The following FGL1 variants were observed in gnomAD, a reference collection of about 807,000 sequenced individuals.
The protein encoded by FGL1 is fibrinogen-like protein 1.
A neutral mutation model predicts 43.7 loss-of-function variants in FGL1; 59 were observed. The observed-to-expected ratio is 1.35, with a 90% CI of 1.10 to 1.68. The LOEUF (loss-of-function observed/expected upper bound fraction) is 1.68, where lower values mean the gene tolerates loss of function less well. FGL1 is among the 40% of genes most tolerant of loss of function. FGL1 has a pLI of 0.00. For synonymous variants in FGL1, 192 were observed against 126.5 expected (o/e 1.52, Z -3.48); for missense variants, 596 against 373.0 (o/e 1.60, Z -4.92).
At position 17,868,963 on chromosome 8, in the gene FGL1, T is replaced by A. The variant is rs766757109; in HGVS notation, c.544A>T (p.Asn182Tyr). ...TTCTTATATTGTGCATAACGGCTATTTTTTTCAAAATCTGCAAGGTCGATT... is the reference window on the plus strand; with the variant it reads ...TTCTTATATTGTGCATAACGGCTATATTTTTCAAAATCTGCAAGGTCGATT... ...LKIDLADFEK[N>Y]SRYAQYKNFK... Residue 182 changes from asparagine (N) to tyrosine (Y), a missense_variant, in exon 6 of 8, where the codon AAT becomes TAT. Coordinates refer to ENST00000427924, the MANE Select transcript of FGL1 (RefSeq NM_004467.4). 1 of 1,606,314 alleles carries A rather than the reference T, an allele frequency of 6.2e-7. No homozygotes were observed. Among genetic ancestry groups the A allele is most frequent in the Non-Finnish European group, 8.5e-7 (1 of 1,177,638 alleles).
Position 17,874,500 on chromosome 8 carries a change from T to C in FGL1, c.266A>G (p.Asp89Gly), listed in dbSNP as rs1262452196. Residue 89 changes from aspartate (D) to glycine (G), a missense_variant, in exon 4 of 8, where the codon GAT becomes GGT. Asp to Gly is a moderately conservative substitution (Grantham distance 94). Transcript: ENST00000427924. Reference protein sequence around the residue: ...QYADCSEIFNDGYKLSGFYKI... With the variant: ...QYADCSEIFNGGYKLSGFYKI... The stretch of plus-strand genomic sequence containing the variant: ...GTAAAATCCACTGAGCTTATACCCA[T>C]CATTGAAAATCTCTGAACAATCTGT... 2 of 1,606,918 alleles carry C rather than the reference T, an allele frequency of 1.2e-6. No individual in the cohort carries two copies. Among genetic ancestry groups the C allele is most frequent in the African/African-American group, 1.3e-5 (1 of 74,596 alleles).
In FGL1 at chr8:17,864,789, G is replaced by C. The variant is rs200759939; in HGVS notation, c.780-38C>G. 4 of 1,411,930 alleles carry C rather than the reference G, an allele frequency of 2.8e-6. No individual in the cohort carries two copies. In the South Asian group the frequency reaches 7.2e-5, roughly 26 times the overall value. The allele number at this position is 1,411,930 out of a possible 1,614,324, so 87.5% of individuals were successfully genotyped here. ...AGAAAAAAAAAGAAAACAACAATCA[G>C]ACTGGAAAAATATTGTTCAGAATCC... On this transcript the variant is annotated intron_variant, in intron 7 of 7. Transcript: ENST00000427924.
intron 1 of FGL1, among the ~76,000 whole-genome samples, chr8:17,888,500 A>T (rs1208223628): frequency 1.3e-5 from 2 of 152,210 alleles, no homozygotes; most frequent in African/African-American, 2.4e-5. Flanking sequence ...TTATGTCTAC[A>T]AATTAAGAAA....
intron 1 of FGL1, among the ~76,000 whole-genome samples, chr8:17,892,241 A>G (rs2053715643): frequency 6.6e-6 from 1 of 152,220 alleles, no homozygotes; most frequent in Non-Finnish European, 1.5e-5. Context: ...AAACAATTGC[A>G]TAGTCACAGA....
chr8:17,893,422 GATTAT>G (rs2053734230), intron 1 of FGL1, among the ~76,000 whole-genome samples: 4 of 149,554 alleles, frequency 2.7e-5, no homozygotes, highest in African/African-American at 4.9e-5. Context: ...ATATATTATA[GATTAT>G]ATTATATATA....
intron 5 of FGL1, among the ~76,000 whole-genome samples, chr8:17,869,552 G>T (rs1160168918): frequency 6.6e-6 from 1 of 152,184 alleles, no homozygotes; most frequent in Non-Finnish European, 1.5e-5. Flanking sequence ...ATTTGAGGAA[G>T]AAATATGAAT....
intron 2 of FGL1, among the ~76,000 whole-genome samples, chr8:17,882,961 CAT>C (rs2053564614): frequency 2.2e-5 from 2 of 92,872 alleles, no homozygotes; most frequent in Non-Finnish European, 3.5e-5. Flanking sequence ...TAATATATAT[CAT>C]ATATAATATA....
Position 17,875,533 on chromosome 8 carries a change from T to TTCTTTCTCTCTCTCTCTCTC in FGL1, c.245-1013_245-1012insGAGAGAGAGAGAGAGAAAGA, listed in dbSNP as rs1208572003. On this transcript the variant is annotated intron_variant, in intron 3 of 7. Coordinates refer to ENST00000427924, the MANE Select transcript of FGL1 (RefSeq NM_004467.4). ...TTTCTTTCTTTCTTTCTTTCTTTCT[T>TTCTTTCTCTCTCTCTCTCTC]TCTCTTTCTTTCTTTCTTTCTTTCT... 3.4e-4 allele frequency among the ~76,000 whole-genome samples: 4 copies of TTCTTTCTCTCTCTCTCTCTC among 11,846 alleles called. 1 individual carries two copies. The highest frequency in any genetic ancestry group is 9.3e-4 in the African/African-American group (4 of 4,302). 7.8% of individuals were successfully genotyped at this position (11,846 alleles called of 152,430 possible).
chr8:17,874,685 A>G (rs948484332), intron 3 of FGL1, 164 bp from the exon 4 acceptor site: 11 of 436,150 alleles, frequency 2.5e-5, no homozygotes, highest in Non-Finnish European at 4.2e-5. Context: ...AGTGGATATT[A>G]GGAAAGTTTT....
At chr8:17,870,446 C>G (rs36086864) in intron 5 of FGL1, among the ~76,000 whole-genome samples, 9,579 of 152,190 alleles carry the variant, frequency 0.063, 513 homozygotes, top group African/African-American at 0.15. Flanking sequence ...TAAGATATAA[C>G]AATGACCTGT....
chr8:17,883,909 C>T lies in FGL1; in HGVS notation c.63+1583G>A, dbSNP rs368907659. 5.5e-5 allele frequency among the ~76,000 whole-genome samples: 8 copies of T among 145,602 alleles called. No homozygotes were observed. The South Asian group carries it at 6.5e-4, about 12-fold the overall frequency. ...TCTTTTCTTTTTCTTTTCTTTTGTT[C>T]TTTTCCTCTCTTTCTCCTTCCCTCC... On this transcript the variant is annotated intron_variant, in intron 2 of 7. Coordinates refer to ENST00000427924, the MANE Select transcript of FGL1 (RefSeq NM_004467.4).
chr8:17,894,994 G>A (rs891654562), intron 1 of FGL1, among the ~76,000 whole-genome samples: 2 of 150,762 alleles, frequency 1.3e-5, no homozygotes, highest in African/African-American at 4.9e-5. Context: ...TTTTTTGACA[G>A]GCCTCTGTCT....
chr8:17,894,858 G>A (rs908721427), intron 1 of FGL1, among the ~76,000 whole-genome samples: 4 of 145,362 alleles, frequency 2.8e-5, no homozygotes, highest in Non-Finnish European at 5.9e-5. Flanking sequence ...GTATATATAT[G>A]TATATGTATG....
At position 17,894,543 on chromosome 8, in the gene FGL1, TG is replaced by T. The variant is rs1258678019; in HGVS notation, c.-18+903del. Among the ~76,000 whole-genome samples the T allele has an allele frequency of 4.7e-5, 7 of 147,396 alleles. 1 individual carries two copies. Among genetic ancestry groups the T allele is most frequent in the South Asian group, 2.1e-4 (1 of 4,730 alleles). On this transcript the variant is annotated intron_variant, in intron 1 of 7. Transcript: ENST00000427924. The stretch of plus-strand genomic sequence containing the variant: ...AAAGAAAAATGTTTCTGAAGTTTTT[TG>T]ACTTCTGAAGTGAAAATTGTCATAT...
intron 2 of FGL1, among the ~76,000 whole-genome samples, chr8:17,884,819 A>T (rs1278740878): frequency 6.6e-6 from 1 of 152,162 alleles, no homozygotes; most frequent in Non-Finnish European, 1.5e-5. Context: ...ACTTTGAATG[A>T]ATGTTTTGTC....
intron 1 of FGL1, chr8:17,891,865 T>A: frequency 1.1e-6 from 1 of 875,812 alleles, no homozygotes; most frequent in Non-Finnish European, 1.4e-6. Context: ...ATAAACTTTT[T>A]TGTGATTTGC....
chr8:17,872,770 A>G lies in FGL1; in HGVS notation c.502+1249T>C, dbSNP rs568649759. ...GGAGCAAAAGAACATGGGAGATAGAAGCTGGGAAAAGTCGTTATCAAAACA... is the reference window on the plus strand; with the variant it reads ...GGAGCAAAAGAACATGGGAGATAGAGGCTGGGAAAAGTCGTTATCAAAACA... On this transcript the variant is annotated intron_variant, in intron 5 of 7. Transcript: ENST00000427924. Among the ~76,000 whole-genome samples the G allele has an allele frequency of 3.3e-5, 5 of 152,294 alleles. No individual in the cohort carries two copies. In the East Asian group the frequency reaches 9.6e-4, roughly 29 times the overall value.
intron 1 of FGL1, among the ~76,000 whole-genome samples, chr8:17,887,941 C>G (rs1277259392): frequency 6.6e-6 from 1 of 151,788 alleles, no homozygotes; most frequent in African/African-American, 2.4e-5. Context: ...GCATTTCACT[C>G]TTTATTTTAT....
chr8:17,868,563 C>T lies in FGL1; in HGVS notation c.764G>A (p.Gly255Asp). 6.2e-7 allele frequency: 1 copy of T among 1,611,784 alleles called. No homozygotes were observed. The highest frequency in any genetic ancestry group is 1.1e-5 in the South Asian group (1 of 90,562). ...EGNCAEEDQS[G>D]WWFNRCHSAN... ...GACATCAAACCTGTTAAACCACCAG[C>T]CAGACTGATCTTCTTCTGCGCAGTT... The change falls in exon 7 of 8, where the codon GGC (glycine) becomes GAC (aspartate). Residue 255 changes from glycine (G) to aspartate (D), a missense_variant. Gly to Asp is a moderately conservative substitution (Grantham distance 94). Coordinates refer to ENST00000427924, the MANE Select transcript of FGL1 (RefSeq NM_004467.4).
Sources: gnomAD v4.1 joint callset for allele counts (sites outside exome capture counted in the v4.1 genomes callset) on GRCh38, gnomAD v4.1.1 for gene constraint, MANE v1.5 for transcripts, NCBI Gene and HGNC (gene_info 2026-07-23, HGNC 2026-07-21) for gene names.